PGM3: variants seen among roughly 807,000 people sequenced by gnomAD.
The protein encoded by PGM3 is phosphoacetylglucosamine mutase.
In PGM3, 40 loss-of-function variants were observed where a neutral mutation model predicts 66.2. The observed-to-expected ratio is 0.60, with a 90% CI of 0.47 to 0.79. The LOEUF (loss-of-function observed/expected upper bound fraction) is 0.79, where lower values mean the gene tolerates loss of function less well. Ranked by LOEUF, PGM3 falls within the 30% of genes least tolerant of loss-of-function variation. The pLI is 0.00. For missense variants in PGM3, 537 were observed against 643.4 expected, an observed-to-expected ratio of 0.83 and a Z score of 1.79; for synonymous variants, 191 against 224.2, an observed-to-expected ratio of 0.85 and a Z score of 1.32.
intron 8 of PGM3, 73 bp from the exon 9 acceptor site, chr6:83,176,133 A>C: frequency 1.2e-6 from 1 of 837,768 alleles, no homozygotes. Flanking sequence ...CTAGTATCCC[A>C]GAGATACAAA....
chr6:83,171,931 T>C lies in PGM3; in HGVS notation c.1365+6A>G. On this transcript the variant is annotated splice_donor_region_variant and intron_variant, in intron 11 of 12. Coordinates refer to ENST00000513973, the MANE Select transcript of PGM3 (RefSeq NM_015599.3). ...CAAAAAAGTTACTTTAAAGTTTCTCTCACACCTGAACTTTAAGTTGTCTGT... is the reference window on the plus strand; with the variant it reads ...CAAAAAAGTTACTTTAAAGTTTCTCCCACACCTGAACTTTAAGTTGTCTGT... 6.2e-7 allele frequency: 1 copy of C among 1,609,972 alleles called. No individual in the cohort carries two copies. The highest frequency in any genetic ancestry group is 8.5e-7 in the Non-Finnish European group (1 of 1,177,432).
At chr6:83,163,094 A>G (rs1784615210), downstream of PGM3, among the ~76,000 whole-genome samples, 1 of 152,194 alleles carries the variant, frequency 6.6e-6, no homozygotes, top group Non-Finnish European at 1.5e-5. Flanking sequence ...GACATTAGAA[A>G]ACATATCGTA....
At chr6:83,156,044 C>T in the PGM3 span, 10 of 1,613,884 alleles carry the variant, frequency 6.2e-6, no homozygotes, top group Non-Finnish European at 8.5e-6. Context: ...AAAAGATTAG[C>T]ATTTGCTATT....
chr6:83,166,558 C>CA lies in PGM3; in HGVS notation c.*2675dup, dbSNP rs368890859. On this transcript the variant is annotated 3_prime_UTR_variant, in exon 13 of 13. Transcript: ENST00000513973. Reference sequence around the variant, plus strand: ...AATATAAACAGCAATAAGTCATTAGCAAAAAAAAAGTGAGAAATATGCTTA... The same window carrying CA: ...AATATAAACAGCAATAAGTCATTAGCAAAAAAAAAAGTGAGAAATATGCTTA... The CA allele has an allele frequency of 4.6e-4, 263 of 577,274 alleles. No individual in the cohort carries two copies. The highest frequency in any genetic ancestry group is 8.7e-4 in the South Asian group (33 of 37,826). 35.8% of individuals were successfully genotyped at this position (577,274 alleles called of 1,614,324 possible).
intron 2 of PGM3, 63 bp downstream of exon 2, chr6:83,190,746 T>C (rs1788980388): frequency 1.6e-6 from 2 of 1,263,762 alleles, no homozygotes; most frequent in Non-Finnish European, 2.3e-6. Flanking sequence ...GTCAATTTGC[T>C]CAGACACTAA....
At chr6:83,172,154 GAAC>G in intron 10 of PGM3, 95 bp from the exon 11 acceptor site, 1 of 1,233,542 alleles carries the variant, frequency 8.1e-7, no homozygotes. Context: ...AGTACAGGTT[GAAC>G]AACCTGAATC....
intron 12 of PGM3, 115 bp from the exon 13 acceptor site, chr6:83,169,438 C>A (rs1786599952): frequency 1.6e-6 from 2 of 1,228,420 alleles, no homozygotes; most frequent in Non-Finnish European, 1.1e-6. Flanking sequence ...GATTTTGTTT[C>A]ACTAACAAAT....
intron 5 of PGM3, among the ~76,000 whole-genome samples, chr6:83,182,417 G>C (rs1788241786): frequency 6.6e-6 from 1 of 152,084 alleles, no homozygotes; most frequent in Admixed American, 6.6e-5. Context: ...GCCTGGTAAG[G>C]ACATATACTC....
intron 4 of PGM3, among the ~76,000 whole-genome samples, chr6:83,183,260 G>A (rs1788329992): frequency 6.6e-6 from 1 of 152,038 alleles, no homozygotes; most frequent in Non-Finnish European, 1.5e-5. Flanking sequence ...TAATTCAGAT[G>A]AATCATCCTC....
At position 83,166,575 on chromosome 6, in the gene PGM3, A is replaced by C. The variant is rs1480561974; in HGVS notation, c.*2659T>G. The stretch of plus-strand genomic sequence containing the variant: ...GTCATTAGCAAAAAAAAAGTGAGAA[A>C]TATGCTTAAAATGATGTATAACATA... On this transcript the variant is annotated 3_prime_UTR_variant, in exon 13 of 13. Transcript: ENST00000513973. 1 of 627,020 alleles carries C rather than the reference A, an allele frequency of 1.6e-6. No individual in the cohort carries two copies. The highest frequency in any genetic ancestry group is 2.7e-6 in the Non-Finnish European group (1 of 373,042). 38.8% of individuals were successfully genotyped at this position (627,020 alleles called of 1,614,324 possible). A position where few individuals can be genotyped will look rare whatever the true frequency, so the allele number is the denominator to read the frequency against.
intron 1 of PGM3, chr6:83,191,285 T>C (rs1380245488): frequency 2.0e-6 from 3 of 1,513,432 alleles, no homozygotes; most frequent in African/African-American, 1.4e-5. Context: ...TCCAGGACTA[T>C]CCTGGACGCC....
In PGM3 at chr6:83,167,474, C is replaced by CT; in HGVS notation, c.*1759dup. 1.0e-6 allele frequency: 1 copy of CT among 993,284 alleles called. No individual in the cohort carries two copies. The highest frequency in any genetic ancestry group is 1.2e-6 in the Non-Finnish European group (1 of 834,972). The allele number at this position is 993,284 out of a possible 1,614,324, so 61.5% of individuals were successfully genotyped here. ...ATGAAATGTATAAAGCACTTTGTTC[C>CT]TTTTTTCTGTAGTAATTTTGTGACC... On this transcript the variant is annotated 3_prime_UTR_variant, in exon 13 of 13. Transcript: ENST00000513973.
At chr6:83,183,127 A>G in intron 4 of PGM3, 149 bp from the exon 5 acceptor site, 1 of 721,072 alleles carries the variant, frequency 1.4e-6, no homozygotes, top group Admixed American at 3.1e-5. Flanking sequence ...CTTAAAAAGA[A>G]ATATAAATGA....
intron 4 of PGM3, 152 bp from the exon 5 acceptor site, chr6:83,183,130 A>G (rs1788318587): frequency 4.3e-6 from 3 of 702,828 alleles, no homozygotes; most frequent in Non-Finnish European, 6.9e-6. Context: ...AAAAAGAAAT[A>G]TAAATGACTA....
downstream of PGM3, among the ~76,000 whole-genome samples, chr6:83,163,172 A>C (rs1018963040): frequency 3.3e-5 from 5 of 152,200 alleles, no homozygotes; most frequent in South Asian, 6.2e-4. Context: ...TTGTACATTA[A>C]TAACATCTAC....
chr6:83,165,648 C>A lies in PGM3; in HGVS notation c.*3586G>T. On this transcript the variant is annotated 3_prime_UTR_variant, in exon 13 of 13. Coordinates refer to ENST00000513973, the MANE Select transcript of PGM3 (RefSeq NM_015599.3). ...GTCCTGCTAGTTGTGGAAGCAATTT[C>A]CCTGCAAAACGTTGCTGAGATGCCT... 1 of 201,084 alleles carries A rather than the reference C, an allele frequency of 5.0e-6. No individual in the cohort carries two copies. The highest frequency in any genetic ancestry group is 1.4e-4 in the East Asian group (1 of 7,310). The allele number at this position is 201,084 out of a possible 1,614,324, so 12.5% of individuals were successfully genotyped here.
rs750145657 is a variant in PGM3, at chr6:83,190,953, G to C, written c.60C>G (p.Ile20Met). 2 of 1,614,076 alleles carry C rather than the reference G, an allele frequency of 1.2e-6. No individual in the cohort carries two copies. The highest frequency in any genetic ancestry group is 1.3e-5 in the African/African-American group (1 of 75,048). ...SALHAKPNGLILQYGTAGFRT... is the reference protein window; with the variant it reads ...SALHAKPNGLMLQYGTAGFRT... ...GAAATCCAGCAGTCCCGTATTGAAG[G>C]ATCAGTCCATTGGGCTTGGCGTGTA... The change falls in exon 2 of 13, where the codon ATC becomes ATG. Residue 20 changes from isoleucine to methionine, a missense_variant. Transcript: ENST00000513973.
chr6:83,159,226 T>G (rs1358717310), downstream of PGM3, among the ~76,000 whole-genome samples: 1 of 152,186 alleles, frequency 6.6e-6, no homozygotes, highest in Non-Finnish European at 1.5e-5. Context: ...TAAAAAAGTT[T>G]CTCGCTTTTA....
chr6:83,192,714 G>A (rs998511147), intron 1 of PGM3, among the ~76,000 whole-genome samples: 32 of 151,770 alleles, frequency 2.1e-4, no homozygotes, highest in African/African-American at 7.7e-4. Context: ...AAAAAAAAAG[G>A]TCCAGATAAT....
Sources: allele counts gnomAD v4.1 joint callset (sites outside exome capture counted in the v4.1 genomes callset), GRCh38; gene constraint gnomAD v4.1.1; transcripts MANE v1.5; gene names NCBI Gene and HGNC (gene_info 2026-07-23, HGNC 2026-07-21).